The following PIK3C2B variants were observed in gnomAD, a reference collection of about 807,000 sequenced individuals.
The protein encoded by PIK3C2B is phosphatidylinositol 4-phosphate 3-kinase C2 domain-containing subunit beta.
PIK3C2B carries 83 observed loss-of-function variants against 184.3 expected under a neutral mutation model. The ratio of observed to expected loss-of-function variants is 0.45; its 90% confidence interval spans 0.38 to 0.54. The LOEUF is 0.54. Ranked by LOEUF, PIK3C2B falls within the 20% of genes least tolerant of loss-of-function variation. The pLI, the probability that PIK3C2B is intolerant of heterozygous loss-of-function variation, is 0.00. For missense variants in PIK3C2B, 1,736 were observed against 2,113.5 expected (o/e 0.82, Z 3.50); for synonymous variants, 779 against 837.6 (o/e 0.93, Z 1.21).
At chr1:204,486,840 C>T (rs1657638486) in intron 1 of PIK3C2B, among the ~76,000 whole-genome samples, 1 of 152,238 alleles carries the variant, frequency 6.6e-6, no homozygotes. Flanking sequence ...TGGAGTCTCG[C>T]TCTGCTGCCC....
At position 204,435,005 on chromosome 1, in the gene PIK3C2B, C is replaced by CTTAA. The variant is rs537199271; in HGVS notation, c.3517-401_3517-398dup. 6.6e-5 allele frequency among the ~76,000 whole-genome samples: 10 copies of CTTAA among 152,294 alleles called. No individual in the cohort carries two copies. The South Asian group carries it at 2.1e-3, about 32-fold the overall frequency. On this transcript the variant is annotated intron_variant, in intron 23 of 32. Transcript: ENST00000684373. Reference sequence around the variant, plus strand: ...AACTTCCCCAACTGGCCGTGATGATCTTAAGTACAGCCACTGAGGAAGCCA... The same window carrying CTTAA: ...AACTTCCCCAACTGGCCGTGATGATCTTAATTAAGTACAGCCACTGAGGAAGCCA...
At chr1:204,452,475 C>A (rs1654458381) in intron 12 of PIK3C2B, among the ~76,000 whole-genome samples, 2 of 149,996 alleles carry the variant, frequency 1.3e-5, no homozygotes, top group Non-Finnish European at 1.5e-5. Flanking sequence ...GATTGGGTCT[C>A]CCTTGTTGCC....
intron 20 of PIK3C2B, among the ~76,000 whole-genome samples, chr1:204,442,280 G>A (rs182309953): frequency 4.3e-4 from 65 of 152,176 alleles, no homozygotes; most frequent in Middle Eastern, 3.4e-3. Context: ...CCTCTGCCTC[G>A]TTTCTCCTTT....
At chr1:204,479,207 A>C (rs530234923) in intron 1 of PIK3C2B, among the ~76,000 whole-genome samples, 2 of 152,344 alleles carry the variant, frequency 1.3e-5, no homozygotes, top group East Asian at 3.9e-4. Flanking sequence ...GAATCATCCC[A>C]GGAGCCAGAG....
At position 204,447,630 on chromosome 1, in the gene PIK3C2B, A is replaced by T; in HGVS notation, c.2347-52T>A. The T allele has an allele frequency of 7.3e-7, 1 of 1,361,788 alleles. No homozygotes were observed. Among genetic ancestry groups the T allele is most frequent in the Non-Finnish European group, 1.0e-6 (1 of 970,522 alleles). The allele number at this position is 1,361,788 out of a possible 1,614,324, so 84.4% of individuals were successfully genotyped here. Reference sequence around the variant, plus strand: ...GAGAGAAAACAGGCAGCGTGTGTGGACTCCCAGCTTCTTTCTCTCACCCCA... The same window carrying T: ...GAGAGAAAACAGGCAGCGTGTGTGGTCTCCCAGCTTCTTTCTCTCACCCCA... On this transcript the variant is annotated intron_variant, in intron 14 of 32. Coordinates refer to ENST00000684373, the MANE Select transcript of PIK3C2B (RefSeq NM_001377334.1). This position sits in a 1 kb window ranked among gnomAD's most constrained non-coding sequence, Gnocchi z 4.1.
In PIK3C2B at chr1:204,424,748, TGCCCAG is replaced by T; in HGVS notation, c.*98_*103del. ...AATCACCTGGACCGAGCTGGAGGCC[TGCCCAG>T]GGCCCTGGCCCTTCACAAGGAGGAG... On this transcript the variant is annotated 3_prime_UTR_variant, in exon 33 of 33. Coordinates refer to ENST00000684373, the MANE Select transcript of PIK3C2B (RefSeq NM_001377334.1). 8.3e-7 allele frequency: 1 copy of T among 1,199,256 alleles called. No homozygotes were observed. Among genetic ancestry groups the T allele is most frequent in the Non-Finnish European group, 1.2e-6 (1 of 805,738 alleles). The allele number at this position is 1,199,256 out of a possible 1,614,324, so 74.3% of individuals were successfully genotyped here. A position where few individuals can be genotyped will look rare whatever the true frequency, so the allele number is the denominator to read the frequency against.
chr1:204,468,629 G>A (rs1191049403), intron 2 of PIK3C2B, among the ~76,000 whole-genome samples: 1 of 152,194 alleles, frequency 6.6e-6, no homozygotes. Flanking sequence ...TGCCCCAGAA[G>A]GCCCGTTTTG....
At chr1:204,489,481 AT>A (rs761480746) in intron 1 of PIK3C2B, among the ~76,000 whole-genome samples, 2 of 121,746 alleles carry the variant, frequency 1.6e-5, no homozygotes, top group Non-Finnish European at 3.9e-5. Context: ...CTATCTTTTA[AT>A]TTAAAAAAAA....
chr1:204,438,914 A>G, intron 23 of PIK3C2B, 21 bp downstream of exon 23: 2 of 1,609,694 alleles, frequency 1.2e-6, no homozygotes, highest in Non-Finnish European at 1.7e-6. Context: ...CACCAGACGC[A>G]CTCCCCACCC....
intron 2 of PIK3C2B, among the ~76,000 whole-genome samples, chr1:204,468,437 T>C (rs1655998016): frequency 6.6e-6 from 1 of 152,204 alleles, no homozygotes; most frequent in Admixed American, 6.5e-5. Context: ...AAGTGGTTAC[T>C]ATTGTGAATG....
chr1:204,471,781 T>C (rs1656299783), intron 1 of PIK3C2B, among the ~76,000 whole-genome samples: 1 of 152,264 alleles, frequency 6.6e-6, no homozygotes, highest in Admixed American at 6.5e-5. Flanking sequence ...TTTTATTATA[T>C]GTCAATTACA....
In PIK3C2B at chr1:204,422,824, C is replaced by G. The variant is rs1315538362; in HGVS notation, c.*2028G>C. On this transcript the variant is annotated 3_prime_UTR_variant, in exon 33 of 33. Transcript: ENST00000684373. ...CGTTCATCTGGAAAAGTTTCACCGC[C>G]CACTCCCCACTCCTCTTCCCCCTCC... The G allele has an allele frequency of 1.3e-5, 2 of 152,572 alleles. No individual in the cohort carries two copies. Among genetic ancestry groups the G allele is most frequent in the Non-Finnish European group, 2.9e-5 (2 of 68,024 alleles). 9.5% of individuals were successfully genotyped at this position (152,572 alleles called of 1,614,324 possible).
chr1:204,447,642 T>C lies in PIK3C2B; in HGVS notation c.2347-64A>G, dbSNP rs571528196. 3.0e-5 allele frequency: 35 copies of C among 1,185,358 alleles called. No individual in the cohort carries two copies. The highest frequency in any genetic ancestry group is 1.0e-4 in the African/African-American group (7 of 66,990). The allele number at this position is 1,185,358 out of a possible 1,614,324, so 73.4% of individuals were successfully genotyped here. On this transcript the variant is annotated intron_variant, in intron 14 of 32. Transcript: ENST00000684373. This position sits in a 1 kb window ranked among gnomAD's most constrained non-coding sequence, Gnocchi z 4.1. ...GCAGCGTGTGTGGACTCCCAGCTTC[T>C]TTCTCTCACCCCAGCATTCCGGCCT... is the stretch of plus-strand genomic sequence containing the variant.
chr1:204,431,619 T>C lies in PIK3C2B; in HGVS notation c.4280+50A>G, dbSNP rs772817597. 1.5e-5 allele frequency: 24 copies of C among 1,610,358 alleles called. No individual in the cohort carries two copies. The African/African-American group carries it at 3.2e-4, about 22-fold the overall frequency. ...CCTGACCACCTCCCATCCCGTATCC[T>C]TTCCCCCTCCCCGACATCCCTCTGT... On this transcript the variant is annotated intron_variant, in intron 28 of 32. Coordinates refer to ENST00000684373, the MANE Select transcript of PIK3C2B (RefSeq NM_001377334.1).
At chr1:204,429,608 T>C (rs1414536047) in intron 29 of PIK3C2B, among the ~76,000 whole-genome samples, 1 of 152,212 alleles carries the variant, frequency 6.6e-6, no homozygotes, top group Non-Finnish European at 1.5e-5. Flanking sequence ...TAATACATAC[T>C]CAACCTGCTC....
chr1:204,445,386 G>A (rs1048295666), intron 16 of PIK3C2B, among the ~76,000 whole-genome samples: 4 of 152,034 alleles, frequency 2.6e-5, no homozygotes, highest in Non-Finnish European at 4.4e-5. Context: ...TTGAACCCAG[G>A]AGTTTGAAAC....
intron 15 of PIK3C2B, 71 bp from the exon 16 acceptor site, chr1:204,446,215 G>A: frequency 1.8e-6 from 2 of 1,115,596 alleles, no homozygotes; most frequent in Non-Finnish European, 1.3e-6. Context: ...CATCAGCCAG[G>A]GGGTGCAGCC....
chr1:204,486,374 G>A, intron 1 of PIK3C2B, among the ~76,000 whole-genome samples: 1 of 131,890 alleles, frequency 7.6e-6, no homozygotes, highest in Non-Finnish European at 1.6e-5. Context: ...CAGCCTGGGT[G>A]ACAGAGTGAG....
chr1:204,489,548 T>C (rs1239305666), intron 1 of PIK3C2B, among the ~76,000 whole-genome samples: 1 of 151,894 alleles, frequency 6.6e-6, no homozygotes, highest in East Asian at 1.9e-4. Flanking sequence ...CTGGCTACAA[T>C]GTTCCTCTCC....
Sources: allele counts gnomAD v4.1 joint callset (sites outside exome capture counted in the v4.1 genomes callset), GRCh38; gene constraint gnomAD v4.1.1; non-coding constraint Gnocchi (gnomAD v3.1); transcripts MANE v1.5; gene names NCBI Gene and HGNC (gene_info 2026-07-23, HGNC 2026-07-21).